Variants in INHBA observed in about 807,000 individuals in gnomAD.
INHBA encodes the protein inhibin beta A chain.
In INHBA, 1 loss-of-function variant was observed where a neutral mutation model predicts 29.0. The ratio of observed to expected loss-of-function variants is 0.03; its 90% CI spans 0.01 to 0.16. The LOEUF (loss-of-function observed/expected upper bound fraction) is 0.16, where lower values mean the gene tolerates loss of function less well. INHBA is among the 10% of genes least tolerant of loss of function. INHBA has a pLI of 1.00. For synonymous variants in INHBA, 242 were observed against 216.8 expected, an observed-to-expected ratio of 1.12 and a Z score of -1.02; for missense variants, 376 against 545.4, an observed-to-expected ratio of 0.69 and a Z score of 3.09.
Position 41,689,420 on chromosome 7 carries a change from C to T in INHBA, c.*230G>A, listed in dbSNP as rs1284301151. 5 of 480,098 alleles carry T rather than the reference C, an allele frequency of 1.0e-5. No individual in the cohort carries two copies. The highest frequency in any genetic ancestry group is 1.8e-5 in the Non-Finnish European group (5 of 275,950). The allele number at this position is 480,098 out of a possible 1,614,324, so 29.7% of individuals were successfully genotyped here. A position where few individuals can be genotyped will look rare whatever the true frequency, so the allele number is the denominator to read the frequency against. ...TCTCCCTTTCCCTCCCAATTCCTGT[C>T]TCTTTCACTGCTTCATCTCTGAGCC... On this transcript the variant is annotated 3_prime_UTR_variant, in exon 3 of 3. Transcript: ENST00000242208.
At chr7:41,693,250 A>C (rs1223902733) in intron 2 of INHBA, among the ~76,000 whole-genome samples, 1 of 152,176 alleles carries the variant, frequency 6.6e-6, no homozygotes, top group African/African-American at 2.4e-5. Context: ...AGGGAGGCTT[A>C]ATAGGTTTGG....
chr7:41,699,410 AT>A (rs1399353360), intron 2 of INHBA, among the ~76,000 whole-genome samples: 1 of 151,992 alleles, frequency 6.6e-6, no homozygotes. Context: ...ACTTATAGAC[AT>A]TTTCTAAAGG....
At chr7:41,698,232 T>A (rs940794743) in intron 2 of INHBA, among the ~76,000 whole-genome samples, 1 of 152,192 alleles carries the variant, frequency 6.6e-6, no homozygotes, top group Non-Finnish European at 1.5e-5. Flanking sequence ...TGATTTGCTA[T>A]ACAAGTCCAG....
In INHBA at chr7:41,690,115, C is replaced by T; in HGVS notation, c.816G>A (p.Lys272=). ...CTCCTGCCCCACCTTCACCTCCGCCCTTCTTTTTCCCTTCCCCCTCCTCTT... is the reference window on the plus strand; with the variant it reads ...CTCCTGCCCCACCTTCACCTCCGCCTTTCTTTTTCCCTTCCCCCTCCTCTT... ...KKEEEGEGKK[K]GGGEGGAGAD... The change falls in exon 3 of 3, where the codon AAG becomes AAA. Residue 272 remains lysine, a synonymous_variant. Coordinates refer to ENST00000242208, the MANE Select transcript of INHBA (RefSeq NM_002192.4). The T allele has an allele frequency of 6.2e-7, 1 of 1,613,758 alleles. No individual in the cohort carries two copies. Among genetic ancestry groups the T allele is most frequent in the Non-Finnish European group, 8.5e-7 (1 of 1,179,998 alleles).
At chr7:41,702,664 C>A (rs1794822246) in intron 1 of INHBA, among the ~76,000 whole-genome samples, 1 of 152,274 alleles carries the variant, frequency 6.6e-6, no homozygotes, top group African/African-American at 2.4e-5. Flanking sequence ...CTCAGGAGTC[C>A]TAATAGCAGC....
Position 41,690,100 on chromosome 7 carries a change from A to G in INHBA, c.831T>C (p.Gly277=). ...CCTTTTCCTCATCTGCTCCTGCCCCACCTTCACCTCCGCCCTTCTTTTTCC... is the reference window on the plus strand; with the variant it reads ...CCTTTTCCTCATCTGCTCCTGCCCCGCCTTCACCTCCGCCCTTCTTTTTCC... ...GEGKKKGGGE[G]GAGADEEKEQ... Residue 277 remains glycine, a synonymous_variant, in exon 3 of 3, where the codon GGT becomes GGC. Transcript: ENST00000242208. 6.2e-7 allele frequency: 1 copy of G among 1,613,512 alleles called. No individual in the cohort carries two copies. Among genetic ancestry groups the G allele is most frequent in the Non-Finnish European group, 8.5e-7 (1 of 1,179,886 alleles).
At chr7:41,695,292 TG>T (rs1794621521) in intron 2 of INHBA, among the ~76,000 whole-genome samples, 1 of 152,210 alleles carries the variant, frequency 6.6e-6, no homozygotes, top group African/African-American at 2.4e-5. Flanking sequence ...TACCATGGGA[TG>T]GGGGCTGGGG....
Position 41,689,554 on chromosome 7 carries a change from T to A in INHBA, c.*96A>T. ...TTTTTTGTTTTGTTTTTAATTTCTA[T>A]TTTTCTGGTTAACTCAGAAACCTTA... On this transcript the variant is annotated 3_prime_UTR_variant, in exon 3 of 3. Transcript: ENST00000242208. 2.1e-6 allele frequency: 2 copies of A among 932,344 alleles called. No individual in the cohort carries two copies. The highest frequency in any genetic ancestry group is 2.9e-6 in the Non-Finnish European group (2 of 685,024). The allele number at this position is 932,344 out of a possible 1,614,324, so 57.8% of individuals were successfully genotyped here.
chr7:41,698,289 A>C (rs1040547276), intron 2 of INHBA, among the ~76,000 whole-genome samples: 1 of 152,300 alleles, frequency 6.6e-6, no homozygotes, highest in East Asian at 1.9e-4. Flanking sequence ...GTGCGGTTAA[A>C]AGTGGTCAAA....
chr7:41,689,515 T>A lies in INHBA; in HGVS notation c.*135A>T. Reference sequence around the variant, plus strand: ...GGTTTTGTTTTTAATTTACTTTTGTTTTTTTTTGTTTTTTTTTTTGTTTTG... The same window carrying A: ...GGTTTTGTTTTTAATTTACTTTTGTATTTTTTTGTTTTTTTTTTTGTTTTG... On this transcript the variant is annotated 3_prime_UTR_variant, in exon 3 of 3. Coordinates refer to ENST00000242208, the MANE Select transcript of INHBA (RefSeq NM_002192.4). 1.3e-6 allele frequency: 1 copy of A among 799,030 alleles called. No homozygotes were observed. The highest frequency in any genetic ancestry group is 3.0e-5 in the South Asian group (1 of 33,200). 49.5% of individuals were successfully genotyped at this position (799,030 alleles called of 1,614,324 possible).
chr7:41,704,732 G>A (rs115441276), upstream of INHBA, among the ~76,000 whole-genome samples: 969 of 151,866 alleles, frequency 6.4e-3, 12 homozygotes, highest in African/African-American at 0.022. Flanking sequence ...CACTCACCGT[G>A]TAAACTCAGG....
Position 41,688,677 on chromosome 7 carries a change from G to A in INHBA, c.*973C>T, listed in dbSNP as rs1277702097. On this transcript the variant is annotated 3_prime_UTR_variant, in exon 3 of 3. Coordinates refer to ENST00000242208, the MANE Select transcript of INHBA (RefSeq NM_002192.4). ...ATACTTGTTAAATAAGGATTAGACAGGTCAAACACCATTGTAGTGCAAATA... is the reference window on the plus strand; with the variant it reads ...ATACTTGTTAAATAAGGATTAGACAAGTCAAACACCATTGTAGTGCAAATA... 2.4e-5 allele frequency: 2 copies of A among 84,282 alleles called. No individual in the cohort carries two copies. The highest frequency in any genetic ancestry group is 9.7e-5 in the African/African-American group (2 of 20,630). The allele number at this position is 84,282 out of a possible 1,614,324, so 5.2% of individuals were successfully genotyped here. A position where few individuals can be genotyped will look rare whatever the true frequency, so the allele number is the denominator to read the frequency against.
chr7:41,690,041 G>A lies in INHBA; in HGVS notation c.890C>T (p.Ala297Val). The change falls in exon 3 of 3, where the codon GCC (alanine) becomes GTC (valine). Residue 297 changes from alanine (A) to valine (V), a missense_variant. By Grantham distance (64) the Ala-to-Val change is moderately conservative. Coordinates refer to ENST00000242208, the MANE Select transcript of INHBA (RefSeq NM_002192.4). ...QSHRPFLMLQ[A>V]RQSEDHPHRR... is the part of the protein sequence containing the mutation. ...ATGAGGGTGGTCTTCAGACTGCCGG[G>A]CCTGCAGCATGAGGAAAGGTCTGTG... 6.2e-7 allele frequency: 1 copy of A among 1,614,028 alleles called. No homozygotes were observed. Among genetic ancestry groups the A allele is most frequent in the Non-Finnish European group, 8.5e-7 (1 of 1,180,034 alleles).
At chr7:41,691,554 C>A (rs926952590) in intron 2 of INHBA, 1 of 152,368 alleles carries the variant, frequency 6.6e-6, no homozygotes, top group African/African-American at 2.4e-5. Context: ...AGAATTCCAC[C>A]CCCTTTCTCA....
chr7:41,689,641 T>G lies in INHBA; in HGVS notation c.*9A>C. 6.5e-7 allele frequency: 1 copy of G among 1,546,564 alleles called. No homozygotes were observed. Among genetic ancestry groups the G allele is most frequent in the Non-Finnish European group, 8.7e-7 (1 of 1,146,788 alleles). ...ACTCTTGCTCCCTTTCCCCCTGGGC[T>G]GGGCAACTCTATGAGCACCCACACT... On this transcript the variant is annotated 3_prime_UTR_variant, in exon 3 of 3. Transcript: ENST00000242208.
At chr7:41,695,472 G>T (rs1794625775) in intron 2 of INHBA, among the ~76,000 whole-genome samples, 1 of 152,190 alleles carries the variant, frequency 6.6e-6, no homozygotes. Flanking sequence ...AGGGGTTTCT[G>T]CAGAAAGCAG....
chr7:41,696,134 A>G (rs757025631), intron 2 of INHBA, among the ~76,000 whole-genome samples: 15 of 152,214 alleles, frequency 9.9e-5, no homozygotes, highest in Non-Finnish European at 1.5e-4. Context: ...CATTACAGAA[A>G]GAACCTTTTT....
chr7:41,701,831 G>A (rs1794803558), intron 1 of INHBA, among the ~76,000 whole-genome samples: 1 of 152,074 alleles, frequency 6.6e-6, no homozygotes. Context: ...AGCCTGTCCC[G>A]ACCAGTGCAT....
upstream of INHBA, among the ~76,000 whole-genome samples, chr7:41,703,617 C>T (rs1431401403): frequency 6.6e-6 from 1 of 151,900 alleles, no homozygotes; most frequent in Non-Finnish European, 1.5e-5. Context: ...TGATGGTCTC[C>T]CCCGACCCCA....
Sources: allele counts gnomAD v4.1 joint callset (sites outside exome capture counted in the v4.1 genomes callset), GRCh38; gene constraint gnomAD v4.1.1; transcripts MANE v1.5; gene names NCBI Gene and HGNC (gene_info 2026-07-23, HGNC 2026-07-21).